Variants in SNX2 observed in about 807,000 individuals in gnomAD.
SNX2 encodes sorting nexin 2.
Under a neutral mutation model 69.9 loss-of-function variants are expected in SNX2, and 25 were observed. That is an observed-to-expected ratio of 0.36 (90% CI 0.26 to 0.50). SNX2 has a LOEUF of 0.50. Ranked by LOEUF, SNX2 falls within the 20% of genes least tolerant of loss-of-function variation. The pLI is 0.97. For missense variants in SNX2, 551 were observed against 613.3 expected (o/e 0.90, Z 1.07); for synonymous variants, 229 against 200.4 (o/e 1.14, Z -1.20).
At chr5:122,800,444 A>T (rs115994139) in intron 3 of SNX2, among the ~76,000 whole-genome samples, 105 of 152,354 alleles carry the variant, frequency 6.9e-4, no homozygotes, top group African/African-American at 2.5e-3. Flanking sequence ...CGCAAACATA[A>T]TATTAAGGGA....
rs978398311 is a variant in SNX2, at chr5:122,775,350, C to T, written c.108+139C>T. The T allele has an allele frequency of 1.1e-5, 15 of 1,383,532 alleles. No homozygotes were observed. In the Admixed American group the frequency reaches 1.2e-4, roughly 11 times the overall value. The allele number at this position is 1,383,532 out of a possible 1,614,324, so 85.7% of individuals were successfully genotyped here. On this transcript the variant is annotated intron_variant, in intron 1 of 14. Transcript: ENST00000379516. ...GACACCTGTGACGCGAGCCCCACCT[C>T]CGGTGCCTGTCAGAGGGATGTGCTT...
chr5:122,825,769 T>C (rs1218531657), intron 11 of SNX2, among the ~76,000 whole-genome samples: 1 of 152,132 alleles, frequency 6.6e-6, no homozygotes, highest in Non-Finnish European at 1.5e-5. Flanking sequence ...ATAAATCTTA[T>C]AAACCATATT....
chr5:122,823,802 G>A (rs931484346), intron 11 of SNX2, among the ~76,000 whole-genome samples: 1 of 151,668 alleles, frequency 6.6e-6, no homozygotes, highest in Non-Finnish European at 1.5e-5. Flanking sequence ...GTGTGTGTGT[G>A]TGTGTGTGTA....
chr5:122,811,825 C>CCAAATAAATAAATAAA (rs1554063566), intron 7 of SNX2, among the ~76,000 whole-genome samples: 3 of 131,940 alleles, frequency 2.3e-5, no homozygotes, highest in African/African-American at 8.3e-5. Context: ...GACTCCGTCT[C>CCAAATAAATAAATAAA]TAAATAAATA....
chr5:122,818,860 T>C lies in SNX2; in HGVS notation c.1049T>C (p.Met350Thr). The C allele has an allele frequency of 1.2e-6, 2 of 1,613,960 alleles. No homozygotes were observed. The highest frequency in any genetic ancestry group is 1.7e-4 in the Middle Eastern group (1 of 6,058). Residue 350 changes from methionine to threonine, a missense_variant, in exon 11 of 15, where the codon ATG (methionine) becomes ACG (threonine). Met to Thr is a moderately conservative substitution (Grantham distance 81). This residue lies in a region of SNX2 where 360 missense variants were observed against 450.4 expected (regional missense o/e 0.80). Transcript: ENST00000379516. ...NTAAFAKSAA[M>T]LGNSEDHTAL... ...GCTGCCTTTGCTAAAAGTGCTGCCA[T>C]GTTAGGTAATTCTGAGGATCATACT...
chr5:122,790,010 G>A (rs1049866516), intron 1 of SNX2, among the ~76,000 whole-genome samples: 2 of 152,182 alleles, frequency 1.3e-5, no homozygotes, highest in African/African-American at 2.4e-5. Context: ...GTTTTTAAGG[G>A]TTGGAAATCC....
At chr5:122,779,065 T>C (rs2149999348) in intron 1 of SNX2, among the ~76,000 whole-genome samples, 1 of 152,312 alleles carries the variant, frequency 6.6e-6, no homozygotes, top group East Asian at 1.9e-4. Context: ...GACCTTTAAA[T>C]ACAGTTTTGC....
intron 1 of SNX2, among the ~76,000 whole-genome samples, chr5:122,790,926 C>A (rs1338560376): frequency 6.6e-6 from 1 of 152,130 alleles, no homozygotes; most frequent in African/African-American, 2.4e-5. Context: ...AGGGGACAAC[C>A]TTGTCTTGTT....
At chr5:122,799,237 CTT>C (rs1303006034) in intron 2 of SNX2, among the ~76,000 whole-genome samples, 1 of 152,112 alleles carries the variant, frequency 6.6e-6, no homozygotes, top group African/African-American at 2.4e-5. Flanking sequence ...ATATTACTAA[CTT>C]TGTAGCTTTT....
chr5:122,801,827 A>T, intron 3 of SNX2, 42 bp from the exon 4 acceptor site: 1 of 1,244,856 alleles, frequency 8.0e-7, no homozygotes, highest in Non-Finnish European at 1.2e-6. Flanking sequence ...CAATAATTTA[A>T]ATTATAATTT....
At chr5:122,817,950 G>GT (rs1288724672) in intron 10 of SNX2, among the ~76,000 whole-genome samples, 4 of 151,908 alleles carry the variant, frequency 2.6e-5, no homozygotes, top group Non-Finnish European at 5.9e-5. Context: ...TAGTTTTTTG[G>GT]TTTTTTAAAG....
At chr5:122,787,812 G>A (rs1193528406) in intron 1 of SNX2, among the ~76,000 whole-genome samples, 1 of 151,968 alleles carries the variant, frequency 6.6e-6, no homozygotes, top group African/African-American at 2.4e-5. Context: ...AGTACCCAAG[G>A]TATTAGCAAT....
At chr5:122,823,718 GT>G (rs56230402) in intron 11 of SNX2, among the ~76,000 whole-genome samples, 490 of 8,572 alleles carry the variant, frequency 0.057, 4 homozygotes, top group East Asian at 0.33. Flanking sequence ...GTGTATGTGG[GT>G]GTGTGTGTGT....
chr5:122,827,565 A>T lies in SNX2; in HGVS notation c.1438-10A>T. The T allele has an allele frequency of 6.2e-7, 1 of 1,611,458 alleles. No homozygotes were observed. The highest frequency in any genetic ancestry group is 8.5e-7 in the Non-Finnish European group (1 of 1,177,896). ...TCTACTAACGGACTTTTTAAAATGT[A>T]CTTCAACAGAAAGAACGAGTGAAGG... On this transcript the variant is annotated splice_polypyrimidine_tract_variant and intron_variant, in intron 13 of 14. Coordinates refer to ENST00000379516, the MANE Select transcript of SNX2 (RefSeq NM_003100.4).
At chr5:122,826,681 T>G in intron 12 of SNX2, 1 of 966,512 alleles carries the variant, frequency 1.0e-6, no homozygotes, top group South Asian at 4.8e-5. Context: ...TAAAAATAAA[T>G]GTACCTGCCC....
chr5:122,786,195 T>G (rs958210051), intron 1 of SNX2, among the ~76,000 whole-genome samples: 4 of 152,306 alleles, frequency 2.6e-5, no homozygotes, highest in Non-Finnish European at 5.9e-5. Context: ...TTGTAGATTG[T>G]CTGCATGACA....
intron 11 of SNX2, among the ~76,000 whole-genome samples, chr5:122,820,200 CAA>C (rs552297841): frequency 2.1e-3 from 322 of 152,286 alleles, no homozygotes; most frequent in Admixed American, 3.9e-3. Context: ...ACACTTCCAA[CAA>C]ACCCGTGGGT....
Position 122,827,571 on chromosome 5 carries a change from A to G in SNX2, c.1438-4A>G. 5 of 1,612,578 alleles carry G rather than the reference A, an allele frequency of 3.1e-6. No homozygotes were observed. On this transcript the variant is annotated splice_region_variant and splice_polypyrimidine_tract_variant and intron_variant, in intron 13 of 14. Transcript: ENST00000379516. ...AACGGACTTTTTAAAATGTACTTCAACAGAAAGAACGAGTGAAGGATTTTA... is the reference window on the plus strand; with the variant it reads ...AACGGACTTTTTAAAATGTACTTCAGCAGAAAGAACGAGTGAAGGATTTTA...
At chr5:122,813,869 G>A (rs1753838776) in intron 7 of SNX2, among the ~76,000 whole-genome samples, 1 of 149,906 alleles carries the variant, frequency 6.7e-6, no homozygotes, top group Non-Finnish European at 1.5e-5. Flanking sequence ...CGTCTCCTGG[G>A]TTCAAGCAAT....
Sources: allele counts gnomAD v4.1 joint callset (sites outside exome capture counted in the v4.1 genomes callset), GRCh38; gene constraint gnomAD v4.1.1; regional missense constraint gnomAD v4.1.1; transcripts MANE v1.5; gene names NCBI Gene and HGNC (gene_info 2026-07-23, HGNC 2026-07-21).